Variants in RBM39 observed in about 807,000 individuals in gnomAD.
RBM39 encodes the protein RNA binding motif protein 39.
Under a neutral mutation model 79.6 loss-of-function variants are expected in RBM39, and 12 were observed. The observed-to-expected ratio is 0.15, with a 90% CI of 0.10 to 0.24. The LOEUF (loss-of-function observed/expected upper bound fraction) is 0.24. Among genes scored for constraint, RBM39 ranks in the 10% least tolerant of loss-of-function variants. RBM39 has a pLI of 1.00. For synonymous variants in RBM39, 185 were observed against 208.4 expected, an observed-to-expected ratio of 0.89 and a Z score of 0.97; for missense variants, 243 against 653.4, an observed-to-expected ratio of 0.37 and a Z score of 6.85.
intron 12 of RBM39, among the ~76,000 whole-genome samples, chr20:35,712,160 A>G (rs59079457): frequency 6.6e-6 from 1 of 152,240 alleles, no homozygotes; most frequent in African/African-American, 2.4e-5. Context: ...GGGTCAATGT[A>G]AAAGTTACAG....
chr20:35,735,730 G>C (rs896193225), intron 3 of RBM39, among the ~76,000 whole-genome samples: 2 of 152,130 alleles, frequency 1.3e-5, no homozygotes, highest in Non-Finnish European at 2.9e-5. Flanking sequence ...TTGAACAAGG[G>C]AATCATTTAT....
Position 35,731,871 on chromosome 20 carries a change from T to G in RBM39, c.296+70A>C, listed in dbSNP as rs908624095. 3.7e-6 allele frequency: 5 copies of G among 1,341,236 alleles called. No homozygotes were observed. The African/African-American group carries it at 7.3e-5, about 20-fold the overall frequency. The allele number at this position is 1,341,236 out of a possible 1,614,324, so 83.1% of individuals were successfully genotyped here. ...AATAAAAATTCACAATTCAAATCACTCAAGTTAAACTGCCATCTGAATACC... is the reference window on the plus strand; with the variant it reads ...AATAAAAATTCACAATTCAAATCACGCAAGTTAAACTGCCATCTGAATACC... On this transcript the variant is annotated intron_variant, in intron 4 of 16. Coordinates refer to ENST00000253363, the MANE Select transcript of RBM39 (RefSeq NM_184234.3).
rs927149234 is a variant in RBM39 at position 35,724,639 on chromosome 20, T to C, written c.618A>G (p.Ser206=). 1 of 1,614,040 alleles carries C rather than the reference T, an allele frequency of 6.2e-7. No individual in the cohort carries two copies. The highest frequency in any genetic ancestry group is 8.5e-7 in the Non-Finnish European group (1 of 1,180,026). The change falls in exon 8 of 17, where the codon TCA becomes TCG. Residue 206 remains serine (S), a synonymous_variant. Coordinates refer to ENST00000253363, the MANE Select transcript of RBM39 (RefSeq NM_184234.3). The stretch of plus-strand genomic sequence containing the variant: ...CAGTTAATCCTATTGCTAGAGGCAC[T>C]GAGCTAACATCGACGAACTCCACAT... ...IAYVEFVDVS[S]VPLAIGLTGQ...
At chr20:35,707,850 T>C (rs981336281) in intron 13 of RBM39, 15 of 458,502 alleles carry the variant, frequency 3.3e-5, no homozygotes, top group Middle Eastern at 3.3e-4. Context: ...ATACTGGGGT[T>C]TGAAGTTTAA....
At chr20:35,735,109 G>T in intron 3 of RBM39, 1 of 1,501,044 alleles carries the variant, frequency 6.7e-7, no homozygotes, top group Non-Finnish European at 8.8e-7. Context: ...AAATAGAAAA[G>T]TCATTTATTC....
chr20:35,706,957 G>A (rs1353253703), intron 14 of RBM39, among the ~76,000 whole-genome samples, 163 bp downstream of exon 14: 5 of 149,960 alleles, frequency 3.3e-5, no homozygotes, highest in African/African-American at 1.2e-4. Flanking sequence ...AACCCAGGAG[G>A]CGGAGGTTGC....
At position 35,725,165 on chromosome 20, in the gene RBM39, G is replaced by A. The variant is rs185627403; in HGVS notation, c.417-10C>T. On this transcript the variant is annotated splice_polypyrimidine_tract_variant and intron_variant, in intron 6 of 16. Coordinates refer to ENST00000253363, the MANE Select transcript of RBM39 (RefSeq NM_184234.3). ...ATTATCAATAGGTTCTCTAATAGGAGTAAAACATATAAAATTAATTTCATA... is the reference window on the plus strand; with the variant it reads ...ATTATCAATAGGTTCTCTAATAGGAATAAAACATATAAAATTAATTTCATA... The A allele has an allele frequency of 6.7e-5, 95 of 1,420,918 alleles. No homozygotes were observed. The highest frequency in any genetic ancestry group is 8.7e-5 in the Non-Finnish European group (89 of 1,028,664). The allele number at this position is 1,420,918 out of a possible 1,614,324, so 88.0% of individuals were successfully genotyped here.
intron 3 of RBM39, among the ~76,000 whole-genome samples, chr20:35,733,296 A>T (rs6119647): frequency 0.92 from 132,424 of 143,506 alleles, 61,279 homozygotes; most frequent in South Asian, 0.99. Flanking sequence ...AGAGCAAAAC[A>T]CCATCTCAAA....
intron 12 of RBM39, among the ~76,000 whole-genome samples, chr20:35,712,078 G>A (rs1044662600): frequency 3.9e-5 from 6 of 151,912 alleles, no homozygotes; most frequent in African/African-American, 1.5e-4. Context: ...ATAACAAAAG[G>A]TTCTTCTTAT....
rs1173485658 is a variant in RBM39, at chr20:35,740,848, T to C, written c.27A>G (p.Ala9=). ...CCTTCTTGTAAGGAGCCTCAAGCAT[T>C]GCTTCAATATCAATATCGTCTGCCA... is the stretch of plus-strand genomic sequence containing the variant. MADDIDIE[A]MLEAPYKKDE... is the part of the protein sequence containing the mutation. Residue 9 remains alanine, a synonymous_variant, in exon 2 of 17, where the codon GCA becomes GCG. Transcript: ENST00000253363. 1 of 1,612,748 alleles carries C rather than the reference T, an allele frequency of 6.2e-7. No homozygotes were observed. Among genetic ancestry groups the C allele is most frequent in the Non-Finnish European group, 8.5e-7 (1 of 1,179,400 alleles).
At chr20:35,734,233 C>G in intron 3 of RBM39, 1 of 1,303,882 alleles carries the variant, frequency 7.7e-7, no homozygotes. Context: ...AGATGTAGAG[C>G]TTTCCAAGGA....
At chr20:35,728,516 T>C (rs1600565601) in intron 6 of RBM39, among the ~76,000 whole-genome samples, 1 of 152,158 alleles carries the variant, frequency 6.6e-6, no homozygotes, top group Non-Finnish European at 1.5e-5. Context: ...TGGTGGCTCC[T>C]GCCTGTAATC....
chr20:35,716,206 T>G (rs1212684364), intron 10 of RBM39, among the ~76,000 whole-genome samples: 1 of 152,038 alleles, frequency 6.6e-6, no homozygotes, highest in Admixed American at 6.6e-5. Context: ...CACAAGTAGG[T>G]GGGATTACAG....
intron 14 of RBM39, among the ~76,000 whole-genome samples, chr20:35,705,917 A>T (rs2035670637): frequency 6.6e-6 from 1 of 152,008 alleles, no homozygotes; most frequent in East Asian, 2.0e-4. Flanking sequence ...AAATAGTTAA[A>T]TGGGCCAGGC....
intron 2 of RBM39, 101 bp downstream of exon 2, chr20:35,740,723 T>A: frequency 7.4e-7 from 1 of 1,350,276 alleles, no homozygotes; most frequent in South Asian, 1.2e-5. Flanking sequence ...ATAAGATAAA[T>A]CAAGAGGGCT....
At chr20:35,736,534 A>ACTTACTATGT (rs1569075112) in intron 3 of RBM39, 1 of 469,602 alleles carries the variant, frequency 2.1e-6, no homozygotes, top group Non-Finnish European at 4.4e-6. Context: ...GTAGTGAGAA[A>ACTTACTATGT]GACTGACATA....
At chr20:35,720,687 C>G (rs2037803978) in intron 9 of RBM39, among the ~76,000 whole-genome samples, 1 of 152,058 alleles carries the variant, frequency 6.6e-6, no homozygotes, top group African/African-American at 2.4e-5. Context: ...AAGAGAATCG[C>G]TTGAACACAG....
At position 35,729,523 on chromosome 20, in the gene RBM39, C is replaced by T. The variant is rs761337500; in HGVS notation, c.301G>A (p.Gly101Arg). The T allele has an allele frequency of 5.0e-6, 8 of 1,613,494 alleles. No homozygotes were observed. The highest frequency in any genetic ancestry group is 2.2e-5 in the East Asian group (1 of 44,866). The change falls in exon 5 of 17, where the codon GGA becomes AGA. Residue 101 changes from glycine (G) to arginine (R), a missense_variant. By Grantham distance (125) the Gly-to-Arg change is moderately radical. Around this residue, in one of 4 missense-constraint regions of RBM39, gnomAD observed 115 missense variants for 184.1 expected, o/e 0.62. Transcript: ENST00000253363. ...FRGRYRSPYS[G>R]PKFNSAIRGK... ...CGGATGGCACTGTTAAATTTTGGTC[C>T]GGAGCTAAAAAGGAAACACAAAATT...
chr20:35,734,567 G>A (rs1446246716), intron 3 of RBM39: 1 of 229,818 alleles, frequency 4.4e-6, no homozygotes, highest in African/African-American at 2.3e-5. Flanking sequence ...GCTATAGCAA[G>A]AGAGGCAACC....
Sources: allele counts gnomAD v4.1 joint callset (sites outside exome capture counted in the v4.1 genomes callset), GRCh38; gene constraint gnomAD v4.1.1; regional missense constraint gnomAD v4.1.1; transcripts MANE v1.5; gene names NCBI Gene and HGNC (gene_info 2026-07-23, HGNC 2026-07-21).